Variants in VWA3B observed in about 807,000 individuals in gnomAD.
VWA3B encodes the protein von Willebrand factor A domain containing 3B.
Under a neutral mutation model 158.3 loss-of-function variants are expected in VWA3B, and 138 were observed. That is an observed-to-expected ratio of 0.87 (90% CI 0.76 to 1.00). The LOEUF (loss-of-function observed/expected upper bound fraction) is 1.00. Among genes scored for constraint, VWA3B ranks in the 50% least tolerant of loss-of-function variants. VWA3B has a pLI of 0.00. For missense variants in VWA3B, 1,555 were observed against 1,565.1 expected, an observed-to-expected ratio of 0.99 and a Z score of 0.11; for synonymous variants, 596 against 587.3, an observed-to-expected ratio of 1.01 and a Z score of -0.21.
chr2:98,292,620 A>T (rs180865803), intron 23 of VWA3B, among the ~76,000 whole-genome samples: 8 of 152,188 alleles, frequency 5.3e-5, no homozygotes, highest in Non-Finnish European at 1.0e-4. Flanking sequence ...TGATTTTCTG[A>T]ATTTGAGCCT....
At position 98,208,377 on chromosome 2, in the gene VWA3B, G is replaced by A. The variant is rs75015015; in HGVS notation, c.1738-3553G>A. The stretch of plus-strand genomic sequence containing the variant: ...TGTAAAGTAATTATTCATATTTAAG[G>A]ATTAAGTGTCTCATTTTATTTATTT... On this transcript the variant is annotated intron_variant, in intron 12 of 27. Coordinates refer to ENST00000477737, the MANE Select transcript of VWA3B (RefSeq NM_144992.5). 5.9e-3 allele frequency among the ~76,000 whole-genome samples: 894 copies of A among 152,000 alleles called. 5 individuals carry two copies. Among genetic ancestry groups the A allele is most frequent in the African/African-American group, 0.021 (853 of 41,478 alleles).
intron 7 of VWA3B, among the ~76,000 whole-genome samples, chr2:98,135,492 C>T (rs6725592): frequency 0.031 from 4,651 of 150,190 alleles, 228 homozygotes; most frequent in African/African-American, 0.11. Context: ...CCCGCCACTA[C>T]GCCCGGCTAA....
intron 12 of VWA3B, among the ~76,000 whole-genome samples, chr2:98,195,370 A>C (rs897488030): frequency 6.6e-6 from 1 of 152,218 alleles, no homozygotes; most frequent in Non-Finnish European, 1.5e-5. Context: ...GAAAGTCACA[A>C]ATAGACATTA....
chr2:98,241,156 C>T (rs1325988226), intron 19 of VWA3B, among the ~76,000 whole-genome samples: 1 of 151,658 alleles, frequency 6.6e-6, no homozygotes, highest in African/African-American at 2.4e-5. Flanking sequence ...GGAGTTCAGA[C>T]CCAGGGGAAG....
Position 98,125,310 on chromosome 2 carries a change from TCTTA to T in VWA3B, c.703-2925_703-2922del, listed in dbSNP as rs1675272317. Among the ~76,000 whole-genome samples the T allele has an allele frequency of 6.6e-6, 1 of 152,214 alleles. No individual in the cohort carries two copies. The highest frequency in any genetic ancestry group is 1.5e-5 in the Non-Finnish European group (1 of 68,038). ...TCTGGGGCCACCTTCTATTGCTTGC[TCTTA>T]CTTTCAGAATTCTGGGGCTCACATT... On this transcript the variant is annotated intron_variant, in intron 5 of 27. Coordinates refer to ENST00000477737, the MANE Select transcript of VWA3B (RefSeq NM_144992.5). The surrounding 1 kb of genome is among the most constrained non-coding windows in gnomAD (Gnocchi z 4.1).
intron 22 of VWA3B, among the ~76,000 whole-genome samples, chr2:98,278,959 T>A (rs574297798): frequency 6.6e-6 from 1 of 152,164 alleles, no homozygotes; most frequent in African/African-American, 2.4e-5. Context: ...AGAAGTGATG[T>A]GTGCACATTC....
intron 13 of VWA3B, among the ~76,000 whole-genome samples, chr2:98,215,581 A>G (rs113660142): frequency 0.047 from 7,140 of 150,990 alleles, 249 homozygotes; most frequent in Middle Eastern, 0.082. Context: ...GTAGTGGCGC[A>G]ATCTCGGCTC....
At chr2:98,188,317 A>T (rs1681296680) in intron 10 of VWA3B, among the ~76,000 whole-genome samples, 188 bp downstream of exon 10, 2 of 152,172 alleles carry the variant, frequency 1.3e-5, no homozygotes, top group African/African-American at 2.4e-5. Context: ...TCACATATCC[A>T]TCACCTCAAA....
chr2:98,169,715 CTGTGTGTGTGTGTGTGTGTGTG>C (rs61535424), intron 8 of VWA3B, among the ~76,000 whole-genome samples: 34 of 134,334 alleles, frequency 2.5e-4, no homozygotes, highest in African/African-American at 8.7e-4. Context: ...CCTGGGCATT[CTGTGTGTGTGTGTGTGTGTGTG>C]TGTGTGTGTG....
intron 12 of VWA3B, among the ~76,000 whole-genome samples, chr2:98,205,019 G>A (rs1012055499): frequency 6.6e-6 from 1 of 152,160 alleles, no homozygotes; most frequent in African/African-American, 2.4e-5. Flanking sequence ...GCTGGGGCAG[G>A]AGAATCACTT....
chr2:98,119,739 A>G lies in VWA3B; in HGVS notation c.518A>G (p.His173Arg), dbSNP rs1291242364. ...ATGGTTCTCCAGGAGCAGGTGGCTC[A>G]CATAACCGAGTTCAATATCATACGG... ...LTMVLQEQVA[H>R]ITEFNIIRVS... Residue 173 changes from histidine to arginine, a missense_variant, in exon 4 of 28, where the codon CAC becomes CGC. Transcript: ENST00000477737. 6.2e-7 allele frequency: 1 copy of G among 1,614,140 alleles called. No individual in the cohort carries two copies. Among genetic ancestry groups the G allele is most frequent in the African/African-American group, 1.3e-5 (1 of 75,028 alleles).
At chr2:98,179,542 GA>G (rs1008480561) in intron 8 of VWA3B, among the ~76,000 whole-genome samples, 2 of 152,254 alleles carry the variant, frequency 1.3e-5, no homozygotes, top group African/African-American at 4.8e-5. Context: ...GGCTTCAGGG[GA>G]GGCAGCCTCC....
chr2:98,163,129 G>A (rs952090933), intron 8 of VWA3B, among the ~76,000 whole-genome samples, 153 bp downstream of exon 8: 2 of 152,252 alleles, frequency 1.3e-5, no homozygotes, highest in Admixed American at 6.5e-5. Flanking sequence ...GGGGTGAGGG[G>A]TGGGGAGGGG....
chr2:98,157,404 A>G (rs1678175420), intron 7 of VWA3B, among the ~76,000 whole-genome samples: 3 of 152,178 alleles, frequency 2.0e-5, no homozygotes, highest in African/African-American at 7.2e-5. Context: ...GTGTTTAATT[A>G]CTTCTCAACA....
At chr2:98,311,063 G>A (rs1433057407) in intron 26 of VWA3B, among the ~76,000 whole-genome samples, 2 of 152,276 alleles carry the variant, frequency 1.3e-5, no homozygotes, top group East Asian at 1.9e-4. Context: ...AAAATTATTC[G>A]GATTGAAGGC....
chr2:98,101,042 TA>T (rs1683041334), intron 2 of VWA3B, among the ~76,000 whole-genome samples: 1 of 152,296 alleles, frequency 6.6e-6, no homozygotes, highest in East Asian at 1.9e-4. Flanking sequence ...AAATAGAAGT[TA>T]TTTGTATTTA....
intron 21 of VWA3B, among the ~76,000 whole-genome samples, chr2:98,263,719 G>A (rs767129351): frequency 1.3e-5 from 2 of 151,910 alleles, no homozygotes; most frequent in Admixed American, 6.6e-5. Context: ...TAGTATCTCT[G>A]TCTGGTTATG....
At chr2:98,159,540 C>T (rs1184919351) in intron 7 of VWA3B, among the ~76,000 whole-genome samples, 2 of 152,048 alleles carry the variant, frequency 1.3e-5, no homozygotes, top group African/African-American at 4.8e-5. Flanking sequence ...TGAGCCACTG[C>T]GCCCGGCCTT....
At chr2:98,194,885 A>G (rs1016135778) in intron 12 of VWA3B, among the ~76,000 whole-genome samples, 1 of 152,208 alleles carries the variant, frequency 6.6e-6, no homozygotes, top group Non-Finnish European at 1.5e-5. Context: ...TTTGTTCAAA[A>G]GTAAGGAGCA....
Sources: gnomAD v4.1 joint callset for allele counts (sites outside exome capture counted in the v4.1 genomes callset) on GRCh38, gnomAD v4.1.1 for gene constraint, Gnocchi (gnomAD v3.1) non-coding constraint, MANE v1.5 for transcripts, NCBI Gene and HGNC (gene_info 2026-07-23, HGNC 2026-07-21) for gene names.